The following C2CD3 variants were observed in gnomAD, a reference collection of about 807,000 sequenced individuals.
The protein encoded by C2CD3 is C2 domain-containing protein 3.
C2CD3 carries 148 observed loss-of-function variants against 234.0 expected under a neutral mutation model. The ratio of observed to expected loss-of-function variants is 0.63; its 90% CI spans 0.55 to 0.72. The LOEUF (loss-of-function observed/expected upper bound fraction) is 0.72, where lower values mean the gene tolerates loss of function less well. C2CD3 is among the 30% of genes least tolerant of loss of function. The pLI, the probability that C2CD3 is intolerant of heterozygous loss-of-function variation, is 0.00. For synonymous variants in C2CD3, 1,000 were observed against 1,035.4 expected (o/e 0.97, Z 0.66); for missense variants, 2,577 against 2,811.5 (o/e 0.92, Z 1.89).
At chr11:74,122,587 G>T (rs1246295578) in intron 8 of C2CD3, among the ~76,000 whole-genome samples, 1 of 152,210 alleles carries the variant, frequency 6.6e-6, no homozygotes, top group Non-Finnish European at 1.5e-5. Context: ...TTACAGGCCA[G>T]AAGAGTTTTG....
At chr11:74,062,367 G>C (rs1312955630) in intron 24 of C2CD3, among the ~76,000 whole-genome samples, 1 of 152,112 alleles carries the variant, frequency 6.6e-6, no homozygotes, top group Non-Finnish European at 1.5e-5. Context: ...TGACCACATA[G>C]TTGGAAGTAA....
chr11:74,036,290 G>T, intron 30 of C2CD3: 1 of 331,026 alleles, frequency 3.0e-6, no homozygotes, highest in South Asian at 2.5e-5. Context: ...TTTTTCTTTG[G>T]TTGACTATAG....
At chr11:74,145,542 A>C (rs899988486) in intron 3 of C2CD3, among the ~76,000 whole-genome samples, 5 of 151,996 alleles carry the variant, frequency 3.3e-5, no homozygotes, top group African/African-American at 1.2e-4. Flanking sequence ...TGCTGTGCAA[A>C]AGCTCTTTAG....
At position 74,013,352 on chromosome 11, in the gene C2CD3, G is replaced by A. The variant is rs1391053007; in HGVS notation, c.*33C>T. 5.9e-5 allele frequency: 41 copies of A among 689,270 alleles called. No individual in the cohort carries two copies. Among genetic ancestry groups the A allele is most frequent in the Non-Finnish European group, 8.1e-5 (37 of 456,732 alleles). 42.7% of individuals were successfully genotyped at this position (689,270 alleles called of 1,614,324 possible). A position where few individuals can be genotyped will look rare whatever the true frequency, so the allele number is the denominator to read the frequency against. On this transcript the variant is annotated 3_prime_UTR_variant, in exon 33 of 33. Transcript: ENST00000334126. ...GGACAAAGCTGACGGAGGGTGGGCAGGTGTCTCCTTCCCCCCAGCCCCTCA... is the reference window on the plus strand; with the variant it reads ...GGACAAAGCTGACGGAGGGTGGGCAAGTGTCTCCTTCCCCCCAGCCCCTCA...
chr11:74,168,542 GT>G lies in C2CD3; in HGVS notation c.126del (p.Lys42AsnfsTer22). 1 of 1,614,142 alleles carries G rather than the reference GT, an allele frequency of 6.2e-7. No individual in the cohort carries two copies. Among genetic ancestry groups the G allele is most frequent in the East Asian group, 2.2e-5 (1 of 44,884 alleles). ...TTCCATATGACTCTATTAACAGTAA[GT>G]TTTAGAAAACAGCGTAGCTGGCCTT... ...LVEGQLRCFLKLTVNRVIWKI... is the reference protein window; with the variant it reads ...LVEGQLRCFLXLTVNRVIWKI... On this transcript the variant is annotated frameshift_variant, in exon 2 of 33. Coordinates refer to ENST00000334126, the MANE Select transcript of C2CD3 (RefSeq NM_001286577.2). LOFTEE classifies it high-confidence loss of function.
In C2CD3 at chr11:74,034,482, A is replaced by C. The variant is rs554424424; in HGVS notation, c.5882-204T>G. The C allele has an allele frequency of 1.1e-5, 18 of 1,576,314 alleles. No homozygotes were observed. In the African/African-American group the frequency reaches 1.6e-4, roughly 14 times the overall value. On this transcript the variant is annotated intron_variant, in intron 30 of 32. Coordinates refer to ENST00000334126, the MANE Select transcript of C2CD3 (RefSeq NM_001286577.2). The stretch of plus-strand genomic sequence containing the variant: ...TTTATTCTAATATCAGAGGACCAGA[A>C]TCTAATCTATAGTTGTGGATACATC...
chr11:74,049,203 G>A (rs771291579), intron 27 of C2CD3, 134 bp downstream of exon 27: 19 of 700,070 alleles, frequency 2.7e-5, no homozygotes, highest in Non-Finnish European at 4.1e-5. Context: ...ACCCCAAAAG[G>A]TCAGGAGGTT....
intron 24 of C2CD3, among the ~76,000 whole-genome samples, chr11:74,063,906 T>G (rs1457291396): frequency 6.6e-6 from 1 of 152,150 alleles, no homozygotes; most frequent in Non-Finnish European, 1.5e-5. Flanking sequence ...TTTTAAATTT[T>G]ATTATTATTA....
intron 3 of C2CD3, among the ~76,000 whole-genome samples, chr11:74,154,828 C>T (rs1268017086): frequency 6.6e-6 from 1 of 151,976 alleles, no homozygotes; most frequent in Non-Finnish European, 1.5e-5. Flanking sequence ...AGCCAAAAAG[C>T]CCATGAAAAA....
intron 16 of C2CD3, among the ~76,000 whole-genome samples, chr11:74,096,208 CAG>C (rs2135488223): frequency 6.6e-6 from 1 of 152,242 alleles, no homozygotes; most frequent in Non-Finnish European, 1.5e-5. Flanking sequence ...AGTCTGACTC[CAG>C]AGTCAGTGTT....
chr11:74,167,703 T>G (rs1856898584), intron 2 of C2CD3, among the ~76,000 whole-genome samples: 1 of 152,244 alleles, frequency 6.6e-6, no homozygotes, highest in Non-Finnish European at 1.5e-5. Context: ...AAAATGTATT[T>G]ATGTGAAAGC....
At chr11:74,068,570 A>G (rs1196512560) in intron 24 of C2CD3, among the ~76,000 whole-genome samples, 1 of 152,172 alleles carries the variant, frequency 6.6e-6, no homozygotes, top group Non-Finnish European at 1.5e-5. Flanking sequence ...AGATCAGCAG[A>G]GAGGACCAAT....
intron 24 of C2CD3, among the ~76,000 whole-genome samples, chr11:74,058,997 C>T (rs1042962926): frequency 1.3e-5 from 2 of 152,058 alleles, no homozygotes; most frequent in South Asian, 4.1e-4. Flanking sequence ...GAATAATAGA[C>T]ACTTTACAAA....
At chr11:74,170,540 G>C (rs1016433527) in intron 1 of C2CD3, among the ~76,000 whole-genome samples, 198 bp downstream of exon 1, 3 of 152,132 alleles carry the variant, frequency 2.0e-5, no homozygotes, top group African/African-American at 7.2e-5. Context: ...TCGCCTGTCT[G>C]TGGCCCCTAC....
chr11:74,055,221 G>A (rs1002594154), intron 25 of C2CD3, among the ~76,000 whole-genome samples: 1 of 152,214 alleles, frequency 6.6e-6, no homozygotes, highest in Non-Finnish European at 1.5e-5. Context: ...TCACTTAAGA[G>A]TCAGTAAGTA....
At position 74,054,676 on chromosome 11, in the gene C2CD3, T is replaced by G. The variant is rs1953875451; in HGVS notation, c.5091-5A>C. 2 of 1,605,134 alleles carry G rather than the reference T, an allele frequency of 1.2e-6. No individual in the cohort carries two copies. The highest frequency in any genetic ancestry group is 2.7e-5 in the African/African-American group (2 of 74,592). On this transcript the variant is annotated splice_polypyrimidine_tract_variant and splice_region_variant and intron_variant, in intron 25 of 32. Coordinates refer to ENST00000334126, the MANE Select transcript of C2CD3 (RefSeq NM_001286577.2). ...AGAAGCAGCTCTTTTGATAGCCTATTAAGAAAAACAACCACTGTAAACTAA... is the reference window on the plus strand; with the variant it reads ...AGAAGCAGCTCTTTTGATAGCCTATGAAGAAAAACAACCACTGTAAACTAA...
intron 7 of C2CD3, among the ~76,000 whole-genome samples, chr11:74,130,362 A>C (rs1957623746): frequency 6.6e-6 from 1 of 151,804 alleles, no homozygotes; most frequent in South Asian, 2.1e-4. Flanking sequence ...AGTAGCTAGG[A>C]CTACAGTCAT....
intron 25 of C2CD3, among the ~76,000 whole-genome samples, chr11:74,056,099 G>A (rs1953936875): frequency 6.6e-6 from 1 of 152,154 alleles, no homozygotes; most frequent in Admixed American, 6.5e-5. Context: ...TTTCACTGCA[G>A]TTCTAGCTCC....
chr11:74,051,026 C>T lies in C2CD3; in HGVS notation c.5156-1484G>A, dbSNP rs1045022132. ...CCTTTGGTTGAGCAGGTGGCTCATG[C>T]GTGTAACCCCAGCACTTTGGGAGGT... On this transcript the variant is annotated intron_variant, in intron 26 of 32. Coordinates refer to ENST00000334126, the MANE Select transcript of C2CD3 (RefSeq NM_001286577.2). Among the ~76,000 whole-genome samples, 8 of 151,342 alleles carry T rather than the reference C, an allele frequency of 5.3e-5. No homozygotes were observed. The East Asian group carries it at 9.6e-4, about 18-fold the overall frequency.
Sources: gnomAD v4.1 joint callset for allele counts (sites outside exome capture counted in the v4.1 genomes callset) on GRCh38, gnomAD v4.1.1 for gene constraint, MANE v1.5 for transcripts, NCBI Gene and HGNC (gene_info 2026-07-23, HGNC 2026-07-21) for gene names.